The following GABBR2 variants were observed in gnomAD, a reference collection of about 807,000 sequenced individuals.
GABBR2 encodes G-protein coupled receptor 51.
In GABBR2, 23 loss-of-function variants were observed where a neutral mutation model predicts 105.6. The observed-to-expected ratio is 0.22, with a 90% CI of 0.16 to 0.31. The LOEUF is 0.31. GABBR2 is among the 10% of genes least tolerant of loss of function. The pLI, the probability that GABBR2 is intolerant of heterozygous loss-of-function variation, is 1.00. For synonymous variants in GABBR2, 478 were observed against 499.7 expected, an observed-to-expected ratio of 0.96 and a Z score of 0.58; for missense variants, 734 against 1,245.5, an observed-to-expected ratio of 0.59 and a Z score of 6.18.
Position 98,599,956 on chromosome 9 carries a change from G to T in GABBR2, c.322-21884C>A, listed in dbSNP as rs1366826620. 2.6e-5 allele frequency among the ~76,000 whole-genome samples: 4 copies of T among 152,312 alleles called. No individual in the cohort carries two copies. In the South Asian group the frequency reaches 8.3e-4, roughly 32 times the overall value. Reference sequence around the variant, plus strand: ...GAGCTCCACAGTATTAATAGAAACTGCCTGGATGCAGAGAGTGGGAATGCG... The same window carrying T: ...GAGCTCCACAGTATTAATAGAAACTTCCTGGATGCAGAGAGTGGGAATGCG... On this transcript the variant is annotated intron_variant, in intron 1 of 18. Coordinates refer to ENST00000259455, the MANE Select transcript of GABBR2 (RefSeq NM_005458.8).
intron 2 of GABBR2, among the ~76,000 whole-genome samples, chr9:98,567,563 C>T (rs1828769452): frequency 1.3e-5 from 2 of 152,228 alleles, no homozygotes; most frequent in Non-Finnish European, 2.9e-5. Flanking sequence ...GAGACCTATA[C>T]ATTTTCAGGG....
rs573019933 is a variant in GABBR2, at chr9:98,659,868, T to TA, written c.321+48548dup. On this transcript the variant is annotated intron_variant, in intron 1 of 18. Coordinates refer to ENST00000259455, the MANE Select transcript of GABBR2 (RefSeq NM_005458.8). The stretch of plus-strand genomic sequence containing the variant: ...ATGAACCATTTTTAGCTTGCAGGCT[T>TA]AAAAAAAAAAATGATGCTGTAGTTT... Among the ~76,000 whole-genome samples the TA allele has an allele frequency of 1.8e-3, 268 of 147,350 alleles. 1 individual carries two copies. The highest frequency in any genetic ancestry group is 6.1e-3 in the African/African-American group (245 of 40,400).
intron 7 of GABBR2, among the ~76,000 whole-genome samples, chr9:98,449,035 G>A (rs565233985): frequency 6.6e-6 from 1 of 152,264 alleles, no homozygotes; most frequent in South Asian, 2.1e-4. Flanking sequence ...GATGAATTTA[G>A]TGCATCTTGA....
chr9:98,669,963 A>T (rs1338670542), intron 1 of GABBR2, among the ~76,000 whole-genome samples: 1 of 149,690 alleles, frequency 6.7e-6, no homozygotes, highest in East Asian at 2.0e-4. Flanking sequence ...GAACGAAGCA[A>T]GCGACCAGGG....
chr9:98,465,956 T>G (rs1826541424), intron 6 of GABBR2, among the ~76,000 whole-genome samples: 1 of 152,174 alleles, frequency 6.6e-6, no homozygotes, highest in Non-Finnish European at 1.5e-5. Context: ...TGGGGCAGGT[T>G]TTCCCCTTGC....
intron 10 of GABBR2, among the ~76,000 whole-genome samples, chr9:98,387,413 T>G (rs1253237727): frequency 6.6e-6 from 1 of 152,162 alleles, no homozygotes; most frequent in Non-Finnish European, 1.5e-5. Flanking sequence ...CAATCTAACT[T>G]TGAGAGCTGA....
intron 6 of GABBR2, among the ~76,000 whole-genome samples, chr9:98,471,114 G>A (rs536079587): frequency 6.6e-6 from 1 of 152,326 alleles, no homozygotes; most frequent in East Asian, 1.9e-4. Flanking sequence ...TCTAAGAGCA[G>A]CTCTGGGACC....
intron 1 of GABBR2, among the ~76,000 whole-genome samples, chr9:98,697,360 G>T (rs542571666): frequency 2.6e-5 from 4 of 152,214 alleles, no homozygotes; most frequent in African/African-American, 7.2e-5. Context: ...GCGTGGTGGC[G>T]GGCGCCTGTA....
At chr9:98,470,422 C>T (rs944906683) in intron 6 of GABBR2, among the ~76,000 whole-genome samples, 2 of 152,108 alleles carry the variant, frequency 1.3e-5, no homozygotes, top group Admixed American at 1.3e-4. Context: ...AAATGAATTT[C>T]CCCTTATCAA....
intron 11 of GABBR2, among the ~76,000 whole-genome samples, chr9:98,380,373 C>T (rs565951581): frequency 3.3e-5 from 5 of 152,358 alleles, no homozygotes; most frequent in South Asian, 2.1e-4. Context: ...TCTTACTCCT[C>T]CCCCGCTCGA....
chr9:98,534,273 G>A (rs1396871649), intron 3 of GABBR2, among the ~76,000 whole-genome samples: 1 of 151,660 alleles, frequency 6.6e-6, no homozygotes, highest in African/African-American at 2.4e-5. Flanking sequence ...AGTACAGAAA[G>A]GTCAGCTTCA....
intron 12 of GABBR2, among the ~76,000 whole-genome samples, chr9:98,363,266 G>A (rs16915210): frequency 0.037 from 5,629 of 152,074 alleles, 114 homozygotes; most frequent in Middle Eastern, 0.044. Flanking sequence ...ACTCCATAGC[G>A]CTTTGTCCAC....
chr9:98,573,962 G>A (rs999912259), intron 2 of GABBR2, among the ~76,000 whole-genome samples: 1 of 152,204 alleles, frequency 6.6e-6, no homozygotes, highest in Admixed American at 6.5e-5. Context: ...AATGCAGGGT[G>A]TAGCGGAGGA....
chr9:98,691,262 T>A (rs1588284929), intron 1 of GABBR2, among the ~76,000 whole-genome samples: 2 of 152,180 alleles, frequency 1.3e-5, no homozygotes, highest in Admixed American at 1.3e-4. Flanking sequence ...TGAGAATACA[T>A]ACTCTCATCC....
chr9:98,420,035 G>A (rs1346034458), intron 7 of GABBR2, among the ~76,000 whole-genome samples: 1 of 152,164 alleles, frequency 6.6e-6, no homozygotes, highest in Non-Finnish European at 1.5e-5. Context: ...GGGTCAGACA[G>A]GAGGCTCTCC....
intron 7 of GABBR2, among the ~76,000 whole-genome samples, chr9:98,425,146 C>T (rs1010544888): frequency 1.3e-5 from 2 of 151,896 alleles, no homozygotes; most frequent in Admixed American, 1.3e-4. Flanking sequence ...TTTTGCAAAA[C>T]CATATACCAA....
chr9:98,423,380 ATG>A (rs1832818807), intron 7 of GABBR2, among the ~76,000 whole-genome samples: 1 of 152,128 alleles, frequency 6.6e-6, no homozygotes, highest in South Asian at 2.1e-4. Flanking sequence ...GCATTTTTTC[ATG>A]TGTCTTTGGC....
chr9:98,300,669 C>T lies in GABBR2; in HGVS notation c.2413-1316G>A, dbSNP rs77301462. On this transcript the variant is annotated intron_variant, in intron 16 of 18. Coordinates refer to ENST00000259455, the MANE Select transcript of GABBR2 (RefSeq NM_005458.8). The stretch of plus-strand genomic sequence containing the variant: ...TGTTATAATGTTGGGGCATTTTAGG[C>T]CTCAGGAGCGGGCCTCATGAAACAG... 3.8e-3 allele frequency among the ~76,000 whole-genome samples: 582 copies of T among 152,280 alleles called. 2 individuals carry two copies. The highest frequency in any genetic ancestry group is 0.013 in the African/African-American group (531 of 41,530).
chr9:98,599,890 G>A (rs562898800), intron 1 of GABBR2, among the ~76,000 whole-genome samples: 11 of 152,306 alleles, frequency 7.2e-5, no homozygotes, highest in Middle Eastern at 3.4e-3. Context: ...TGACCAGCCC[G>A]GTCTGGCTAA....
Sources: gnomAD v4.1 joint callset for allele counts (sites outside exome capture counted in the v4.1 genomes callset) on GRCh38, gnomAD v4.1.1 for gene constraint, MANE v1.5 for transcripts, NCBI Gene and HGNC (gene_info 2026-07-23, HGNC 2026-07-21) for gene names.